Variants in CPLANE1 observed in about 807,000 individuals in gnomAD.
CPLANE1 encodes the protein ciliogenesis and planar polarity effector complex subunit 1.
A neutral mutation model predicts 362.5 loss-of-function variants in CPLANE1; 263 were observed. That is an observed-to-expected ratio of 0.73 (90% CI 0.66 to 0.80). The LOEUF (loss-of-function observed/expected upper bound fraction) is 0.80, where lower values mean the gene tolerates loss of function less well. CPLANE1 is among the 30% of genes least tolerant of loss of function. The pLI is 0.00. For missense variants in CPLANE1, 3,461 were observed against 3,793.4 expected (o/e 0.91, Z 2.30); for synonymous variants, 1,212 against 1,302.6 (o/e 0.93, Z 1.50).
intron 14 of CPLANE1, 99 bp from the exon 15 acceptor site, chr5:37,221,587 T>C: frequency 1.3e-6 from 1 of 772,600 alleles, no homozygotes; most frequent in Non-Finnish European, 1.9e-6. Context: ...TGAAAATTCA[T>C]CAAGTTGTAC....
intron 49 of CPLANE1, among the ~76,000 whole-genome samples, chr5:37,121,055 T>C (rs750676136): frequency 6.6e-6 from 1 of 152,266 alleles, no homozygotes; most frequent in Non-Finnish European, 1.5e-5. Context: ...TTGTTGACCA[T>C]ATATAAGAAA....
intron 41 of CPLANE1, among the ~76,000 whole-genome samples, chr5:37,157,029 G>T (rs944017053): frequency 4.6e-5 from 7 of 152,128 alleles, no homozygotes; most frequent in East Asian, 3.8e-4. Context: ...TATGAGAATT[G>T]CTTTCTAACA....
In CPLANE1 at chr5:37,158,262, G is replaced by A. The variant is rs1382954500; in HGVS notation, c.7774C>T (p.Pro2592Ser). 4 of 1,613,740 alleles carry A rather than the reference G, an allele frequency of 2.5e-6. No homozygotes were observed. Among genetic ancestry groups the A allele is most frequent in the Non-Finnish European group, 3.4e-6 (4 of 1,179,894 alleles). ...GTATGAGGTATTGAGGGTGACCAAG[G>A]TTTCTCTGACATTTCACTGGAAAGC... is the stretch of plus-strand genomic sequence containing the variant. ...LKLSSEMSEK[P>S]WSPSIPHTVT... is the part of the protein sequence containing the mutation. Residue 2592 changes from proline (P) to serine (S), a missense_variant, in exon 39 of 53, where the codon CCT becomes TCT. Pro to Ser is a moderately conservative substitution (Grantham distance 74). Coordinates refer to ENST00000651892, the MANE Select transcript of CPLANE1 (RefSeq NM_001384732.1).
intron 19 of CPLANE1, among the ~76,000 whole-genome samples, chr5:37,199,096 C>CAAAAAAA (rs35945783): frequency 4.2e-5 from 2 of 47,172 alleles, no homozygotes; most frequent in African/African-American, 7.6e-5. Flanking sequence ...CACCCTGTCT[C>CAAAAAAA]AAAAAAAAAA....
chr5:37,138,415 T>A (rs1422437652), intron 46 of CPLANE1: 6 of 455,694 alleles, frequency 1.3e-5, no homozygotes, highest in Admixed American at 8.2e-5. Context: ...TTAAAATGTA[T>A]TCTAAGCGTT....
chr5:37,188,473 C>A (rs755478235), intron 21 of CPLANE1, among the ~76,000 whole-genome samples: 3 of 152,176 alleles, frequency 2.0e-5, no homozygotes, highest in Non-Finnish European at 4.4e-5. Context: ...TACTTGGACA[C>A]CTGAGGTGGG....
the CPLANE1 span, among the ~76,000 whole-genome samples, chr5:37,076,294 G>A: frequency 6.6e-6 from 1 of 151,654 alleles, no homozygotes; most frequent in African/African-American, 2.4e-5. Context: ...ATTTGGGCTG[G>A]GGGGAGCAAC....
chr5:37,209,358 C>T lies in CPLANE1; in HGVS notation c.2921-2933G>A, dbSNP rs1028633245. 8.9e-6 allele frequency: 9 copies of T among 1,005,942 alleles called. No individual in the cohort carries two copies. Among genetic ancestry groups the T allele is most frequent in the African/African-American group, 6.3e-5 (4 of 63,202 alleles). The allele number at this position is 1,005,942 out of a possible 1,614,324, so 62.3% of individuals were successfully genotyped here. On this transcript the variant is annotated intron_variant, in intron 16 of 52. Transcript: ENST00000651892. This position sits in a 1 kb window ranked among gnomAD's most constrained non-coding sequence, Gnocchi z 4.6. The stretch of plus-strand genomic sequence containing the variant: ...CGAGGCGGGCTCCGGAGGAAGCTGA[C>T]GGCTGATGATGGCTCAGTCCAACAT...
the CPLANE1 span, among the ~76,000 whole-genome samples, chr5:37,091,669 C>T: frequency 6.6e-6 from 1 of 152,112 alleles, no homozygotes; most frequent in Non-Finnish European, 1.5e-5. Flanking sequence ...AGACATAAAG[C>T]CTGCAGTTTT....
At chr5:37,175,026 A>C (rs1159618292) in intron 31 of CPLANE1, among the ~76,000 whole-genome samples, 1 of 152,162 alleles carries the variant, frequency 6.6e-6, no homozygotes, top group African/African-American at 2.4e-5. Flanking sequence ...GAGCCAAAGA[A>C]GGTTTAGGAG....
In CPLANE1 at chr5:37,148,297, A is replaced by G. The variant is rs1254827412; in HGVS notation, c.8374-29T>C. On this transcript the variant is annotated intron_variant, in intron 42 of 52. Coordinates refer to ENST00000651892, the MANE Select transcript of CPLANE1 (RefSeq NM_001384732.1). Reference sequence around the variant, plus strand: ...TAGAAAAAACACACACAACAAAACAACAGTAATACTTTGATAATTTCAAAA... The same window carrying G: ...TAGAAAAAACACACACAACAAAACAGCAGTAATACTTTGATAATTTCAAAA... 4 of 1,428,638 alleles carry G rather than the reference A, an allele frequency of 2.8e-6. No individual in the cohort carries two copies. The African/African-American group carries it at 5.6e-5, about 20-fold the overall frequency. 88.5% of individuals were successfully genotyped at this position (1,428,638 alleles called of 1,614,324 possible).
rs1758122058 is a variant in CPLANE1, at chr5:37,108,306, T to C, written c.9566A>G (p.Asn3189Ser). Reference protein sequence around the residue: ...EIHKILHESHNSLLQDLSPTE... With the variant: ...EIHKILHESHSSLLQDLSPTE... ...AACAATGCTTACTTGTAGAAGGGAATTGTGACTCTCATGAAGAATCTTATG... is the reference window on the plus strand; with the variant it reads ...AACAATGCTTACTTGTAGAAGGGAACTGTGACTCTCATGAAGAATCTTATG... Residue 3189 changes from asparagine (N) to serine (S), a missense_variant, in exon 52 of 53, where the codon AAT (asparagine) becomes AGT (serine). By Grantham distance (46) the Asn-to-Ser change is conservative. Transcript: ENST00000651892. 4 of 1,613,880 alleles carry C rather than the reference T, an allele frequency of 2.5e-6. No homozygotes were observed. Among genetic ancestry groups the C allele is most frequent in the East Asian group, 2.2e-5 (1 of 44,894 alleles).
chr5:37,095,519 G>A, the CPLANE1 span, among the ~76,000 whole-genome samples: 6 of 151,752 alleles, frequency 4.0e-5, no homozygotes, highest in African/African-American at 1.5e-4. Context: ...TCTGAAAAAT[G>A]GAACAAGGAT....
intron 46 of CPLANE1, among the ~76,000 whole-genome samples, chr5:37,138,342 T>C (rs887719127): frequency 1.3e-5 from 2 of 152,232 alleles, no homozygotes; most frequent in African/African-American, 4.8e-5. Context: ...TTTTATCTGA[T>C]ATAAAAACAG....
intron 6 of CPLANE1, 74 bp from the exon 7 acceptor site, chr5:37,239,943 A>G: frequency 1.8e-6 from 2 of 1,097,010 alleles, no homozygotes; most frequent in Non-Finnish European, 1.2e-6. Flanking sequence ...CATTACAAAA[A>G]TTAAAGGATC....
intron 16 of CPLANE1, 69 bp from the exon 17 acceptor site, chr5:37,206,494 A>G (rs1245918952): frequency 4.0e-6 from 4 of 988,406 alleles, no homozygotes; most frequent in African/African-American, 3.2e-5. Flanking sequence ...ACATGGGCAT[A>G]TTTATCTCTT....
intron 4 of CPLANE1, among the ~76,000 whole-genome samples, chr5:37,245,240 T>C (rs1739169870): frequency 6.9e-6 from 1 of 145,794 alleles, no homozygotes; most frequent in African/African-American, 2.5e-5. Context: ...ATGTTAGGCA[T>C]GCCAGAATTT....
chr5:37,210,408 G>C, intron 16 of CPLANE1: 1 of 996,830 alleles, frequency 1.0e-6, no homozygotes, highest in Admixed American at 1.8e-5. Flanking sequence ...ACTCAAGAAT[G>C]AACTCCTAAA....
chr5:37,241,790 C>G (rs1800571811), intron 6 of CPLANE1, among the ~76,000 whole-genome samples: 1 of 151,852 alleles, frequency 6.6e-6, no homozygotes, highest in Non-Finnish European at 1.5e-5. Flanking sequence ...CCATGCTCAG[C>G]TAATTTTTTT....
Sources: gnomAD v4.1 joint callset for allele counts (sites outside exome capture counted in the v4.1 genomes callset) on GRCh38, gnomAD v4.1.1 for gene constraint, Gnocchi (gnomAD v3.1) non-coding constraint, MANE v1.5 for transcripts, NCBI Gene and HGNC (gene_info 2026-07-23, HGNC 2026-07-21) for gene names.